Variants in ABTB3 observed in about 807,000 individuals in gnomAD.
The protein encoded by ABTB3 is ankyrin repeat- and BTB/POZ domain-containing protein 3.
chr12:107,439,124 CAT>C, the ABTB3 span, among the ~76,000 whole-genome samples: 717 of 152,326 alleles, frequency 4.7e-3, 3 homozygotes, highest in African/African-American at 0.016. Flanking sequence ...CACCCACACA[CAT>C]GAAGTGCTAA....
At chr12:107,651,536 T>G in the ABTB3 span, 1 of 605,046 alleles carries the variant, frequency 1.7e-6, no homozygotes. Flanking sequence ...GTTACCTTTG[T>G]GCATCATTTC....
the ABTB3 span, among the ~76,000 whole-genome samples, chr12:107,656,298 CAA>C: frequency 1.4e-5 from 2 of 141,242 alleles, no homozygotes; most frequent in African/African-American, 2.6e-5. Flanking sequence ...GAGGCTCTGT[CAA>C]AAAAAAAAAA....
the ABTB3 span, chr12:107,319,830 GC>G: frequency 8.0e-7 from 1 of 1,257,136 alleles, no homozygotes; most frequent in South Asian, 2.1e-5. Flanking sequence ...GGAGCGGCGA[GC>G]GGCGGCGCCT....
At chr12:107,637,112 C>CATGT in the ABTB3 span, among the ~76,000 whole-genome samples, 2 of 152,222 alleles carry the variant, frequency 1.3e-5, no homozygotes, top group Non-Finnish European at 2.9e-5. Context: ...GAGGGATACT[C>CATGT]ATGTGTCAGC....
At chr12:107,430,660 A>G in the ABTB3 span, among the ~76,000 whole-genome samples, 4 of 152,168 alleles carry the variant, frequency 2.6e-5, no homozygotes, top group Admixed American at 2.6e-4. Flanking sequence ...AATAATGGCG[A>G]TACGTCCCTA....
the ABTB3 span, among the ~76,000 whole-genome samples, chr12:107,489,923 A>G: frequency 6.7e-6 from 1 of 149,434 alleles, no homozygotes; most frequent in Non-Finnish European, 1.5e-5. Context: ...TGCATGGCCA[A>G]ACAAACAAAC....
chr12:107,401,970 C>A, the ABTB3 span, among the ~76,000 whole-genome samples: 4 of 150,240 alleles, frequency 2.7e-5, no homozygotes, highest in Non-Finnish European at 5.9e-5. Flanking sequence ...CCTCTGCCCT[C>A]CTCAGAAGCC....
the ABTB3 span, among the ~76,000 whole-genome samples, chr12:107,533,067 G>GA: frequency 1.6e-3 from 245 of 151,190 alleles, 7 homozygotes; most frequent in East Asian, 0.041. Context: ...TATCTACCCT[G>GA]AAAAAAAACA....
the ABTB3 span, among the ~76,000 whole-genome samples, chr12:107,544,605 A>G: frequency 1.3e-5 from 2 of 152,160 alleles, no homozygotes; most frequent in Non-Finnish European, 2.9e-5. Context: ...CTGTTCTTTG[A>G]AGCCAAATCC....
chr12:107,471,760 CGT>C, the ABTB3 span, among the ~76,000 whole-genome samples: 2 of 152,108 alleles, frequency 1.3e-5, no homozygotes, highest in Non-Finnish European at 2.9e-5. Context: ...CTCACAGAGC[CGT>C]GGTGAGGCTC....
At chr12:107,608,975 TA>T in the ABTB3 span, among the ~76,000 whole-genome samples, 1 of 115,562 alleles carries the variant, frequency 8.7e-6, no homozygotes. Context: ...AAATATAAAA[TA>T]AAATAAAATA....
the ABTB3 span, among the ~76,000 whole-genome samples, chr12:107,568,160 C>A: frequency 2.0e-5 from 3 of 152,128 alleles, no homozygotes; most frequent in Non-Finnish European, 4.4e-5. Flanking sequence ...GAGATCAAAC[C>A]CTAGCTCTCC....
chr12:107,621,061 A>G, the ABTB3 span, among the ~76,000 whole-genome samples: 1 of 152,224 alleles, frequency 6.6e-6, no homozygotes, highest in African/African-American at 2.4e-5. Context: ...ATTAGAGGGG[A>G]CATGGGGCTG....
At chr12:107,581,048 G>A in the ABTB3 span, 2 of 1,549,108 alleles carry the variant, frequency 1.3e-6, no homozygotes, top group Admixed American at 2.0e-5. Flanking sequence ...CTGGGGAGTC[G>A]GGAGATGGGG....
the ABTB3 span, chr12:107,580,845 G>T: frequency 6.5e-6 from 10 of 1,543,620 alleles, 1 homozygote; most frequent in East Asian, 7.4e-5. Context: ...CGCCGAGAGG[G>T]ATAATATTCC....
At chr12:107,468,212 A>G in the ABTB3 span, among the ~76,000 whole-genome samples, 1 of 152,162 alleles carries the variant, frequency 6.6e-6, no homozygotes, top group East Asian at 1.9e-4. Flanking sequence ...AAAAAAGGGG[A>G]AAATCTGAAG....
At chr12:107,600,368 A>G in the ABTB3 span, among the ~76,000 whole-genome samples, 1 of 152,244 alleles carries the variant, frequency 6.6e-6, no homozygotes, top group African/African-American at 2.4e-5. Context: ...AATACTTAAC[A>G]AATGAAAAGC....
chr12:107,584,229 C>A, the ABTB3 span, among the ~76,000 whole-genome samples: 2 of 152,124 alleles, frequency 1.3e-5, no homozygotes, highest in African/African-American at 2.4e-5. Flanking sequence ...TTCAAGACAC[C>A]CAAGCGTTAG....
At chr12:107,363,134 G>A in the ABTB3 span, among the ~76,000 whole-genome samples, 3 of 152,190 alleles carry the variant, frequency 2.0e-5, no homozygotes, top group East Asian at 3.8e-4. Flanking sequence ...CATTGTCCCC[G>A]GGTTGAAATG....
Sources: gnomAD v4.1 joint callset for allele counts (sites outside exome capture counted in the v4.1 genomes callset) on GRCh38, gnomAD v4.1.1 for gene constraint, MANE v1.5 for transcripts, NCBI Gene and HGNC (gene_info 2026-07-23, HGNC 2026-07-21) for gene names.